UBR3: variants seen among roughly 807,000 people sequenced by gnomAD.
UBR3 encodes the protein ubiquitin protein ligase E3 component n-recognin 3.
A neutral mutation model predicts 243.2 loss-of-function variants in UBR3; 85 were observed. The observed-to-expected ratio is 0.35, with a 90% CI of 0.29 to 0.42. The LOEUF is 0.42. Among genes scored for constraint, UBR3 ranks in the 10% least tolerant of loss-of-function variants. The pLI, the probability that UBR3 is intolerant of heterozygous loss-of-function variation, is 1.00. For missense variants in UBR3, 1,686 were observed against 2,300.8 expected, an observed-to-expected ratio of 0.73 and a Z score of 5.47; for synonymous variants, 748 against 799.8, an observed-to-expected ratio of 0.94 and a Z score of 1.09.
intron 31 of UBR3, among the ~76,000 whole-genome samples, chr2:170,033,957 T>C (rs1260382972): frequency 1.3e-5 from 2 of 151,734 alleles, no homozygotes; most frequent in Non-Finnish European, 2.9e-5. Flanking sequence ...TAAAAGACTA[T>C]CTAAAACTTT....
intron 17 of UBR3, among the ~76,000 whole-genome samples, chr2:169,928,267 C>T (rs1379346116): frequency 6.6e-6 from 1 of 152,000 alleles, no homozygotes; most frequent in Non-Finnish European, 1.5e-5. Context: ...TGGTTTGCCT[C>T]TTTGCTTATA....
At chr2:170,073,266 C>T (rs2091737773) in intron 35 of UBR3, 162 bp from the exon 36 acceptor site, 2 of 696,476 alleles carry the variant, frequency 2.9e-6, no homozygotes, top group South Asian at 1.9e-5. Flanking sequence ...AGCTAGGAAC[C>T]TTTTTCTCTC....
intron 24 of UBR3, among the ~76,000 whole-genome samples, chr2:169,966,365 CAT>C (rs1286043358): frequency 5.3e-5 from 8 of 152,108 alleles, no homozygotes; most frequent in African/African-American, 1.9e-4. Context: ...TGTTATTAAA[CAT>C]ATTACATTTT....
In UBR3 at chr2:170,005,704, A is replaced by G. The variant is rs138332420; in HGVS notation, c.4030-1286A>G. ...AGGTGCTGGAGTAGAGTGGAGGCCA[A>G]AACTATAGGAGCTGATGAGGTTAAG... On this transcript the variant is annotated intron_variant, in intron 27 of 38. Transcript: ENST00000272793. 3.7e-3 allele frequency among the ~76,000 whole-genome samples: 560 copies of G among 152,308 alleles called. 1 individual carries two copies. The highest frequency in any genetic ancestry group is 6.5e-3 in the Non-Finnish European group (439 of 68,026).
chr2:169,899,331 T>A (rs1442226297), intron 8 of UBR3, among the ~76,000 whole-genome samples: 3 of 152,206 alleles, frequency 2.0e-5, no homozygotes, highest in Non-Finnish European at 4.4e-5. Context: ...TGTTTTAGTT[T>A]TACTAACTTC....
chr2:170,067,815 G>A (rs1028168013), intron 35 of UBR3, among the ~76,000 whole-genome samples: 1 of 149,438 alleles, frequency 6.7e-6, no homozygotes, highest in African/African-American at 2.5e-5. Flanking sequence ...TGTTGCCCAG[G>A]CTCGAGGGCA....
intron 27 of UBR3, among the ~76,000 whole-genome samples, chr2:170,001,769 C>T (rs148671898): frequency 1.2e-3 from 178 of 151,818 alleles, no homozygotes; most frequent in Non-Finnish European, 1.7e-3. Context: ...AAAAATTAGC[C>T]GAGCATGGTG....
intron 27 of UBR3, among the ~76,000 whole-genome samples, chr2:170,002,709 GTT>G (rs2089757561): frequency 6.6e-6 from 1 of 152,102 alleles, no homozygotes; most frequent in Non-Finnish European, 1.5e-5. Flanking sequence ...TGTATTTTCA[GTT>G]TTTCTGCCTC....
intron 27 of UBR3, among the ~76,000 whole-genome samples, chr2:170,004,331 AAC>A (rs1207302172): frequency 3.9e-5 from 6 of 152,240 alleles, no homozygotes; most frequent in African/African-American, 1.4e-4. Context: ...GATTGGAAAT[AAC>A]AAAGTCTCAC....
intron 25 of UBR3, among the ~76,000 whole-genome samples, chr2:169,990,513 A>G (rs1401650689): frequency 6.6e-6 from 1 of 152,116 alleles, no homozygotes; most frequent in Non-Finnish European, 1.5e-5. Context: ...TCCGGAAAGA[A>G]CTGTATATCT....
intron 5 of UBR3, among the ~76,000 whole-genome samples, chr2:169,883,465 G>T (rs10930385): frequency 0.47 from 71,019 of 152,036 alleles, 18,520 homozygotes; most frequent in Non-Finnish European, 0.6. Flanking sequence ...AACGAGTTGC[G>T]AAAGTATGTC....
intron 1 of UBR3, among the ~76,000 whole-genome samples, chr2:169,857,064 G>GTTTTGTTTTTTTTTTTTTT (rs1255937396): frequency 5.3e-5 from 3 of 56,082 alleles, no homozygotes; most frequent in East Asian, 8.7e-4. Context: ...ATTTTATTAT[G>GTTTTGTTTTTTTTTTTTTT]TTTTTTTTTT....
At chr2:169,878,907 C>T (rs1412554716) in intron 5 of UBR3, among the ~76,000 whole-genome samples, 5 of 152,084 alleles carry the variant, frequency 3.3e-5, no homozygotes, top group African/African-American at 9.7e-5. Context: ...GTATAGTTGT[C>T]ATATGTACAA....
chr2:169,965,968 A>G (rs2087787879), intron 24 of UBR3, among the ~76,000 whole-genome samples: 1 of 152,188 alleles, frequency 6.6e-6, no homozygotes, highest in African/African-American at 2.4e-5. Context: ...ACAGTATGTT[A>G]TAAATCCTCT....
Position 169,946,379 on chromosome 2 carries a change from A to C in UBR3, c.2897A>C (p.Glu966Ala), listed in dbSNP as rs1047476737. 2 of 1,497,422 alleles carry C rather than the reference A, an allele frequency of 1.3e-6. No homozygotes were observed. Among genetic ancestry groups the C allele is most frequent in the Non-Finnish European group, 1.8e-6 (2 of 1,116,900 alleles). The allele number at this position is 1,497,422 out of a possible 1,614,324, so 92.8% of individuals were successfully genotyped here. A position where few individuals can be genotyped will look rare whatever the true frequency, so the allele number is the denominator to read the frequency against. Reference protein sequence around the residue: ...ELGLENSAEEESDEEASVGGP... With the variant: ...ELGLENSAEEASDEEASVGGP... Reference sequence around the variant, plus strand: ...GGACTTGAAAATTCTGCTGAAGAAGAATCAGATGAAGAGGTAAGTAGTTTT... The same window carrying C: ...GGACTTGAAAATTCTGCTGAAGAAGCATCAGATGAAGAGGTAAGTAGTTTT... The change falls in exon 21 of 39, where the codon GAA becomes GCA. Residue 966 changes from glutamate to alanine, a missense_variant. Around this residue, in one of 8 missense-constraint regions of UBR3, gnomAD observed 300 missense variants for 314.4 expected, o/e 0.95. Transcript: ENST00000272793.
intron 35 of UBR3, among the ~76,000 whole-genome samples, chr2:170,071,314 C>A (rs981067385): frequency 1.3e-5 from 2 of 152,248 alleles, no homozygotes; most frequent in Non-Finnish European, 2.9e-5. Flanking sequence ...CTGGAAACAA[C>A]CATCAACATG....
intron 10 of UBR3, among the ~76,000 whole-genome samples, chr2:169,912,216 T>TAA (rs34091312): frequency 1.3e-5 from 2 of 152,012 alleles, no homozygotes; most frequent in Non-Finnish European, 2.9e-5. Flanking sequence ...GTTTTTAACT[T>TAA]AAAAAAGGAG....
intron 24 of UBR3, among the ~76,000 whole-genome samples, chr2:169,979,781 G>A (rs1290345219): frequency 2.0e-5 from 3 of 152,146 alleles, no homozygotes; most frequent in African/African-American, 7.2e-5. Context: ...TTTTTTTAGA[G>A]CATTGAAATT....
Position 169,836,041 on chromosome 2 carries a change from C to CTA in UBR3, c.545+7990_545+7991insAT. On this transcript the variant is annotated intron_variant, in intron 1 of 38. Coordinates refer to ENST00000272793, the MANE Select transcript of UBR3 (RefSeq NM_172070.4). ...TCTCTCTCTCTCTCTCTCTCTCTCT[C>CTA]TCTATATATATATATATATATATAT... is the stretch of plus-strand genomic sequence containing the variant. Among the ~76,000 whole-genome samples, 2 of 8,418 alleles carry CTA rather than the reference C, an allele frequency of 2.4e-4. 1 individual carries two copies. The highest frequency in any genetic ancestry group is 0.019 in the South Asian group (2 of 106). The allele number at this position is 8,418 out of a possible 152,430, so 5.5% of individuals were successfully genotyped here.
Sources: allele counts gnomAD v4.1 joint callset (sites outside exome capture counted in the v4.1 genomes callset), GRCh38; gene constraint gnomAD v4.1.1; regional missense constraint gnomAD v4.1.1; transcripts MANE v1.5; gene names NCBI Gene and HGNC (gene_info 2026-07-23, HGNC 2026-07-21).